The following MAP2 variants were observed in gnomAD, a reference collection of about 807,000 sequenced individuals.
MAP2 encodes microtubule-associated protein 2.
A neutral mutation model predicts 137.6 loss-of-function variants in MAP2; 14 were observed. That is an observed-to-expected ratio of 0.10 (90% CI 0.07 to 0.16). The LOEUF (loss-of-function observed/expected upper bound fraction) is 0.16, where lower values mean the gene tolerates loss of function less well. Among genes scored for constraint, MAP2 ranks in the 10% least tolerant of loss-of-function variants. The probability of loss-of-function intolerance (pLI) is 1.00; values close to 1 mark genes in which losing one functional copy is unlikely to be tolerated. For synonymous variants in MAP2, 786 were observed against 782.3 expected (o/e 1.00, Z -0.08); for missense variants, 2,088 against 2,191.5 (o/e 0.95, Z 0.94).
At chr2:209,721,593 G>A (rs1012815612) in intron 13 of MAP2, among the ~76,000 whole-genome samples, 1 of 152,072 alleles carries the variant, frequency 6.6e-6, no homozygotes, top group Non-Finnish European at 1.5e-5. Flanking sequence ...TGATCATTTA[G>A]GATTGAATCA....
intron 5 of MAP2, among the ~76,000 whole-genome samples, chr2:209,663,470 A>G (rs1392009480): frequency 6.6e-6 from 1 of 152,170 alleles, no homozygotes; most frequent in African/African-American, 2.4e-5. Context: ...CAGTTCAAAA[A>G]CCAGCCAAGC....
intron 2 of MAP2, among the ~76,000 whole-genome samples, chr2:209,549,435 G>A (rs1180134076): frequency 6.6e-6 from 1 of 152,082 alleles, no homozygotes; most frequent in African/African-American, 2.4e-5. Flanking sequence ...AATCAATTAA[G>A]TGTTTATTGA....
At chr2:209,687,568 C>T (rs1247304892) in intron 7 of MAP2, among the ~76,000 whole-genome samples, 4 of 152,166 alleles carry the variant, frequency 2.6e-5, no homozygotes, top group Non-Finnish European at 5.9e-5. Context: ...TCCCATCCTC[C>T]ATCAGCTTGA....
intron 2 of MAP2, among the ~76,000 whole-genome samples, chr2:209,556,469 G>A (rs1022699099): frequency 2.0e-5 from 3 of 152,108 alleles, no homozygotes; most frequent in Admixed American, 1.3e-4. Flanking sequence ...ACTAGGATCT[G>A]CATCCTAAAT....
intron 2 of MAP2, among the ~76,000 whole-genome samples, chr2:209,515,601 G>A (rs180761227): frequency 2.6e-4 from 40 of 152,104 alleles, no homozygotes; most frequent in Non-Finnish European, 4.6e-4. Context: ...GAGAAACCGC[G>A]CCCATGATTC....
At chr2:209,482,021 T>A (rs961676327) in intron 1 of MAP2, among the ~76,000 whole-genome samples, 1 of 151,706 alleles carries the variant, frequency 6.6e-6, no homozygotes, top group African/African-American at 2.4e-5. Flanking sequence ...CCGTGGAACT[T>A]CTTTTTTTTT....
intron 1 of MAP2, among the ~76,000 whole-genome samples, chr2:209,480,021 G>T (rs1383388991): frequency 3.3e-5 from 5 of 152,064 alleles, no homozygotes; most frequent in African/African-American, 9.7e-5. Context: ...GACAGTTTGA[G>T]CTGCATTTGA....
In MAP2 at chr2:209,687,994, G is replaced by A. The variant is rs140982172; in HGVS notation, c.455-4631G>A. On this transcript the variant is annotated intron_variant, in intron 7 of 15. Coordinates refer to ENST00000682079, the MANE Select transcript of MAP2 (RefSeq NM_001375505.1). ...AAGCATGGTCCCCTTTTGCTCCTCC[G>A]CCCCGGCCTACAGCTTTGACCACCT... is the stretch of plus-strand genomic sequence containing the variant. 2.4e-4 allele frequency among the ~76,000 whole-genome samples: 36 copies of A among 152,184 alleles called. No homozygotes were observed. The East Asian group carries it at 6.2e-3, about 26-fold the overall frequency.
chr2:209,469,216 T>C (rs1364827929), intron 1 of MAP2, among the ~76,000 whole-genome samples: 1 of 152,238 alleles, frequency 6.6e-6, no homozygotes, highest in Non-Finnish European at 1.5e-5. Context: ...CATTGCTAGA[T>C]AGAGCTTCTT....
intron 2 of MAP2, among the ~76,000 whole-genome samples, chr2:209,521,537 T>C (rs1291476671): frequency 6.6e-6 from 1 of 151,972 alleles, no homozygotes; most frequent in Non-Finnish European, 1.5e-5. Flanking sequence ...TCCTTGCTTC[T>C]TGTAAACTCT....
At chr2:209,579,316 G>C (rs2075872020) in intron 2 of MAP2, 1 of 151,516 alleles carries the variant, frequency 6.6e-6, no homozygotes, top group African/African-American at 2.4e-5. Flanking sequence ...TAACACAAAG[G>C]AGACCAGATG....
At chr2:209,669,629 CTA>C (rs986699299) in intron 5 of MAP2, among the ~76,000 whole-genome samples, 4 of 151,964 alleles carry the variant, frequency 2.6e-5, no homozygotes, top group African/African-American at 9.7e-5. Flanking sequence ...ATTGGCATTC[CTA>C]TGTTTTGCAG....
In MAP2 at chr2:209,660,549, A is replaced by T. The variant is rs112114239; in HGVS notation, c.262+7117A>T. Among the ~76,000 whole-genome samples, 8 of 139,026 alleles carry T rather than the reference A, an allele frequency of 5.8e-5. No homozygotes were observed. In the East Asian group the frequency reaches 1.8e-3, roughly 32 times the overall value. 91.2% of individuals were successfully genotyped at this position (139,026 alleles called of 152,430 possible). A position where few individuals can be genotyped will look rare whatever the true frequency, so the allele number is the denominator to read the frequency against. ...CTGGGACTACAGGCGCCCGCCACCAAGCCCGGCTAATTTTTTTTGTATTTT... is the reference window on the plus strand; with the variant it reads ...CTGGGACTACAGGCGCCCGCCACCATGCCCGGCTAATTTTTTTTGTATTTT... On this transcript the variant is annotated intron_variant, in intron 5 of 15. Transcript: ENST00000682079.
chr2:209,471,621 T>A (rs1280724439), intron 1 of MAP2, among the ~76,000 whole-genome samples: 2 of 151,972 alleles, frequency 1.3e-5, no homozygotes, highest in African/African-American at 4.8e-5. Context: ...CTTAAATGAT[T>A]TTTCTCATGT....
intron 7 of MAP2, among the ~76,000 whole-genome samples, chr2:209,685,343 A>G (rs1227655302): frequency 6.6e-6 from 1 of 152,188 alleles, no homozygotes; most frequent in Non-Finnish European, 1.5e-5. Flanking sequence ...TATGTCTTCC[A>G]TCTGCATTGG....
intron 1 of MAP2, among the ~76,000 whole-genome samples, chr2:209,474,349 T>G (rs1706607832): frequency 6.6e-6 from 1 of 152,106 alleles, no homozygotes; most frequent in Non-Finnish European, 1.5e-5. Context: ...TCTTAGATAG[T>G]GAAAGTTATG....
chr2:209,640,127 C>T (rs779468843), intron 4 of MAP2, among the ~76,000 whole-genome samples: 7 of 152,100 alleles, frequency 4.6e-5, no homozygotes, highest in Non-Finnish European at 5.9e-5. Flanking sequence ...GTCCTTTAAA[C>T]CCTCTTCCAG....
In MAP2 at chr2:209,586,443, C is replaced by T. The variant is rs561960977; in HGVS notation, c.-107+6343C>T. Among the ~76,000 whole-genome samples, 10 of 152,244 alleles carry T rather than the reference C, an allele frequency of 6.6e-5. 1 individual carries two copies. In the Middle Eastern group the frequency reaches 0.017, roughly 259 times the overall value. On this transcript the variant is annotated intron_variant, in intron 3 of 15. Coordinates refer to ENST00000682079, the MANE Select transcript of MAP2 (RefSeq NM_001375505.1). Reference sequence around the variant, plus strand: ...AAAATATGAGAAACCTTGCATATCTCATCTGGACTTTATCCTGGACTGAAG... The same window carrying T: ...AAAATATGAGAAACCTTGCATATCTTATCTGGACTTTATCCTGGACTGAAG...
rs1265687113 is a variant in MAP2, at chr2:209,479,027, T to G, written c.-221-28565T>G. ...TGTTGAGAATCAATTAAGAAACTGT[T>G]TTAAACAATGAATAAAGTAAATATT... On this transcript the variant is annotated intron_variant, in intron 1 of 15. Coordinates refer to ENST00000682079, the MANE Select transcript of MAP2 (RefSeq NM_001375505.1). 4.6e-5 allele frequency among the ~76,000 whole-genome samples: 7 copies of G among 152,230 alleles called. No homozygotes were observed. In the South Asian group the frequency reaches 1.4e-3, roughly 32 times the overall value.
Sources: gnomAD v4.1 joint callset for allele counts (sites outside exome capture counted in the v4.1 genomes callset) on GRCh38, gnomAD v4.1.1 for gene constraint, MANE v1.5 for transcripts, NCBI Gene and HGNC (gene_info 2026-07-23, HGNC 2026-07-21) for gene names.